The following GSE1 variants were observed in gnomAD, a reference collection of about 807,000 sequenced individuals.
GSE1 encodes Gse1 coiled-coil protein.
GSE1 carries 32 observed loss-of-function variants against 112.6 expected under a neutral mutation model. The observed-to-expected ratio is 0.28, with a 90% confidence interval of 0.21 to 0.38. GSE1 has a LOEUF of 0.38. Ranked by LOEUF, GSE1 falls within the 10% of genes least tolerant of loss-of-function variation. GSE1 has a pLI of 1.00. For missense variants in GSE1, 2,348 were observed against 1,699.2 expected (o/e 1.38, Z -6.71); for synonymous variants, 1,115 against 735.6 (o/e 1.52, Z -8.35).
intron 1 of GSE1, among the ~76,000 whole-genome samples, chr16:85,605,149 G>C (rs533887872): frequency 8.6e-5 from 13 of 151,848 alleles, no homozygotes; most frequent in Admixed American, 7.2e-4. Context: ...ACAGAAGCCA[G>C]GGACTTGGGT....
chr16:85,300,757 T>G (rs948950349), intron 1 of GSE1, among the ~76,000 whole-genome samples: 11 of 152,194 alleles, frequency 7.2e-5, no homozygotes, highest in Non-Finnish European at 1.0e-4. Context: ...GGCTTCCGCT[T>G]CCAGTCTCAC....
intron 11 of GSE1, among the ~76,000 whole-genome samples, chr16:85,664,132 T>C (rs2052647660): frequency 6.6e-6 from 1 of 152,256 alleles, no homozygotes; most frequent in African/African-American, 2.4e-5. Context: ...ACAGACCCTC[T>C]GGGCTCGAAT....
At chr16:85,645,408 AGTTGTGCAG>A (rs2050771874) in intron 2 of GSE1, among the ~76,000 whole-genome samples, 2 of 152,116 alleles carry the variant, frequency 1.3e-5, no homozygotes, top group African/African-American at 4.8e-5. Context: ...TGCCCTATCC[AGTTGTGCAG>A]GTTGCACACA....
intron 2 of GSE1, among the ~76,000 whole-genome samples, chr16:85,471,199 G>A (rs1480010849): frequency 6.6e-6 from 1 of 152,226 alleles, no homozygotes; most frequent in Non-Finnish European, 1.5e-5. Flanking sequence ...CTGAAGAAGA[G>A]GCTGGGCTCT....
chr16:85,376,148 C>T (rs2047415780), intron 2 of GSE1, among the ~76,000 whole-genome samples: 2 of 152,268 alleles, frequency 1.3e-5, no homozygotes, highest in Non-Finnish European at 2.9e-5. Context: ...CTCTTTTCAT[C>T]CCCAGCCCAA....
chr16:85,407,979 C>T lies in GSE1; in HGVS notation c.2464+50336C>T, dbSNP rs868593897. Among the ~76,000 whole-genome samples, 12 of 57,976 alleles carry T rather than the reference C, an allele frequency of 2.1e-4. 6 individuals are homozygous for T. In the South Asian group the frequency reaches 0.01, roughly 50 times the overall value. The allele number at this position is 57,976 out of a possible 152,430, so 38.0% of individuals were successfully genotyped here. The stretch of plus-strand genomic sequence containing the variant: ...TTACACTCAGGGTCCCTCTGATAAT[C>T]CTCACTGTTACACTCAGGGCCCCCT... On this transcript the variant is annotated intron_variant, in intron 2 of 2. Transcript: ENST00000637419.
intron 3 of GSE1, among the ~76,000 whole-genome samples, chr16:85,652,062 GC>G (rs775554302): frequency 1.8e-4 from 28 of 152,314 alleles, no homozygotes; most frequent in Non-Finnish European, 3.1e-4. Flanking sequence ...GGGTAGGCAG[GC>G]CAGCCTGGCA....
chr16:85,201,287 G>A (rs1382949796), intron 1 of GSE1, among the ~76,000 whole-genome samples: 2 of 150,312 alleles, frequency 1.3e-5, no homozygotes, highest in Non-Finnish European at 3.0e-5. Context: ...CTCAGGCTGA[G>A]TTTGAACTCC....
Position 85,666,117 on chromosome 16 carries a change from C to T in GSE1, c.2900C>T (p.Ala967Val), listed in dbSNP as rs2052835769. Residue 967 changes from alanine to valine, a missense_variant, in exon 13 of 16, where the codon GCT becomes GTT. Coordinates refer to ENST00000253458, the MANE Select transcript of GSE1 (RefSeq NM_014615.5). ...PQELSRVQEL[A>V]PASGEKARLS... is the part of the protein sequence containing the mutation. ...GAGCTGTCGAGAGTCCAGGAGCTAG[C>T]TCCTGCCAGCGGGGAGAAGGCCAGG... 16 of 1,613,164 alleles carry T rather than the reference C, an allele frequency of 9.9e-6. No homozygotes were observed. The highest frequency in any genetic ancestry group is 4.4e-5 in the South Asian group (4 of 91,090).
In GSE1 at chr16:85,670,138, A is replaced by G. The variant is rs146184556; in HGVS notation, c.3416-857A>G. ...GTTTTGACTAGATTTAGTTTCAGGT[A>G]TCACATAGATTTTGGGGGTCTTTGG... On this transcript the variant is annotated intron_variant, in intron 14 of 15. Transcript: ENST00000253458. 4.5e-4 allele frequency among the ~76,000 whole-genome samples: 69 copies of G among 152,346 alleles called. 1 individual carries two copies. Among genetic ancestry groups the G allele is most frequent in the African/African-American group, 1.6e-3 (67 of 41,584 alleles).
At chr16:85,450,497 T>G (rs2049646487) in intron 2 of GSE1, among the ~76,000 whole-genome samples, 1 of 151,556 alleles carries the variant, frequency 6.6e-6, no homozygotes, top group Non-Finnish European at 1.5e-5. Context: ...TCACTCAGGC[T>G]GGAGTGCAGT....
At position 85,240,508 on chromosome 16, in the gene GSE1, T is replaced by A. The variant is rs553837786; in HGVS notation, c.2283+68701T>A. Among the ~76,000 whole-genome samples, 251 of 152,286 alleles carry A rather than the reference T, an allele frequency of 1.6e-3. 2 individuals are homozygous for A. The highest frequency in any genetic ancestry group is 5.7e-3 in the African/African-American group (238 of 41,558). Reference sequence around the variant, plus strand: ...TTTCCTGCCAGCTTCCCTGTTGGGGTTCGCAGCCCAGGAGTCCTGGCAGGG... The same window carrying A: ...TTTCCTGCCAGCTTCCCTGTTGGGGATCGCAGCCCAGGAGTCCTGGCAGGG... On this transcript the variant is annotated intron_variant, in intron 1 of 2. Transcript: ENST00000637419.
chr16:85,641,432 C>T lies in GSE1; in HGVS notation c.227-7120C>T, dbSNP rs552212641. On this transcript the variant is annotated intron_variant, in intron 2 of 15. Transcript: ENST00000253458. ...CCCGCCACTGGCTGACGCCCCCCCC[C>T]GCCCTTTTGCAGCTGTGAGGTGGAG... 1.1e-4 allele frequency among the ~76,000 whole-genome samples: 16 copies of T among 152,264 alleles called. No individual in the cohort carries two copies. The East Asian group carries it at 2.9e-3, about 28-fold the overall frequency.
chr16:85,328,842 G>T (rs1460860727), intron 1 of GSE1, among the ~76,000 whole-genome samples: 2 of 151,736 alleles, frequency 1.3e-5, no homozygotes, highest in Non-Finnish European at 2.9e-5. Context: ...GCGGTGGAAT[G>T]GATGGACAGG....
chr16:85,463,203 C>T, intron 2 of GSE1: 9 of 749,330 alleles, frequency 1.2e-5, no homozygotes, highest in Non-Finnish European at 1.5e-5. Context: ...CGCCACCCAC[C>T]CGGGGCTGGA....
chr16:85,266,037 G>A (rs1484914600), intron 1 of GSE1, among the ~76,000 whole-genome samples: 2 of 152,204 alleles, frequency 1.3e-5, no homozygotes, highest in African/African-American at 2.4e-5. Flanking sequence ...ATTTCAGGCC[G>A]CGGCGCTGGG....
intron 2 of GSE1, among the ~76,000 whole-genome samples, chr16:85,470,535 G>A (rs1418086376): frequency 6.6e-6 from 1 of 152,220 alleles, no homozygotes; most frequent in Non-Finnish European, 1.5e-5. Flanking sequence ...TTGTTGGGGT[G>A]CTAAACTCAT....
upstream of GSE1, chr16:85,555,780 T>C (rs1443390734): frequency 1.0e-6 from 1 of 978,654 alleles, no homozygotes; most frequent in Non-Finnish European, 1.2e-6. Flanking sequence ...GAGGAGAGAT[T>C]GCTACTCGCA....
At chr16:85,286,055 C>T (rs1039384556) in intron 1 of GSE1, 2 of 152,370 alleles carry the variant, frequency 1.3e-5, no homozygotes, top group African/African-American at 4.8e-5. Context: ...GGGATGTCCC[C>T]TCATCTGGCC....
Sources: gnomAD v4.1 joint callset for allele counts (sites outside exome capture counted in the v4.1 genomes callset) on GRCh38, gnomAD v4.1.1 for gene constraint, MANE v1.5 for transcripts, NCBI Gene and HGNC (gene_info 2026-07-23, HGNC 2026-07-21) for gene names.